GPHN: variants seen among roughly 807,000 people sequenced by gnomAD.
The protein encoded by GPHN is gephyrin.
In GPHN, 17 loss-of-function variants were observed where a neutral mutation model predicts 95.5. The observed-to-expected ratio is 0.18, with a 90% CI of 0.12 to 0.27. The LOEUF is 0.27. Among genes scored for constraint, GPHN ranks in the 10% least tolerant of loss-of-function variants. GPHN has a pLI of 1.00. For synonymous variants in GPHN, 320 were observed against 322.5 expected (o/e 0.99, Z 0.08); for missense variants, 660 against 978.1 (o/e 0.67, Z 4.34).
the GPHN span, among the ~76,000 whole-genome samples, chr14:67,621,157 T>G: frequency 6.6e-6 from 1 of 151,792 alleles, no homozygotes; most frequent in Non-Finnish European, 1.5e-5. Flanking sequence ...CAATAAAGAG[T>G]GTGTTGGAAG....
At chr14:66,957,753 G>A (rs2068627390) in intron 8 of GPHN, among the ~76,000 whole-genome samples, 1 of 152,120 alleles carries the variant, frequency 6.6e-6, no homozygotes, top group African/African-American at 2.4e-5. Flanking sequence ...CCAGGCCAAG[G>A]ACTGATACCA....
chr14:67,651,329 A>G, the GPHN span: 1 of 1,611,216 alleles, frequency 6.2e-7, no homozygotes, highest in Non-Finnish European at 8.5e-7. Context: ...CACATCCCTA[A>G]CATCATGCAT....
At chr14:67,312,596 C>A in the GPHN span, 1 of 1,613,630 alleles carries the variant, frequency 6.2e-7, no homozygotes, top group Non-Finnish European at 8.5e-7. Flanking sequence ...AGAGTTAGGT[C>A]TGTCTTTTCA....
the GPHN span, among the ~76,000 whole-genome samples, chr14:67,347,692 G>T: frequency 6.6e-6 from 1 of 151,850 alleles, no homozygotes; most frequent in Admixed American, 6.6e-5. Flanking sequence ...TAGACACGGG[G>T]TTTCTCCATG....
chr14:67,678,322 T>TA, the GPHN span: 4 of 1,602,806 alleles, frequency 2.5e-6, no homozygotes, highest in Admixed American at 1.7e-5. Context: ...CACTGCCTGT[T>TA]AGTCTATTGG....
chr14:67,676,440 A>C, the GPHN span, among the ~76,000 whole-genome samples: 36 of 152,184 alleles, frequency 2.4e-4, no homozygotes, highest in African/African-American at 7.9e-4. Flanking sequence ...AAAAAGGATC[A>C]ATAGCCTGGG....
At chr14:66,520,490 T>C (rs2058432683) in intron 1 of GPHN, among the ~76,000 whole-genome samples, 1 of 152,068 alleles carries the variant, frequency 6.6e-6, no homozygotes, top group Non-Finnish European at 1.5e-5. Flanking sequence ...GAGGAGGAGC[T>C]GACTTAAGGG....
intron 9 of GPHN, among the ~76,000 whole-genome samples, chr14:66,997,366 TAAAAAAAA>T (rs34315684): frequency 8.1e-6 from 1 of 123,984 alleles, no homozygotes; most frequent in African/African-American, 2.9e-5. Flanking sequence ...GACTTCGTCT[TAAAAAAAA>T]AAAAAAAAAA....
the GPHN span, among the ~76,000 whole-genome samples, chr14:67,549,049 A>G: frequency 6.6e-6 from 1 of 152,204 alleles, no homozygotes; most frequent in Non-Finnish European, 1.5e-5. Context: ...GCCCAGAAAA[A>G]CATATCCTAA....
chr14:66,940,327 A>T (rs1423836391), intron 8 of GPHN, among the ~76,000 whole-genome samples: 2 of 152,046 alleles, frequency 1.3e-5, no homozygotes, highest in Non-Finnish European at 1.5e-5. Context: ...AAGATTAATG[A>T]CTACTCATGT....
chr14:66,847,518 T>G (rs752974564), intron 4 of GPHN, among the ~76,000 whole-genome samples: 1 of 152,106 alleles, frequency 6.6e-6, no homozygotes, highest in African/African-American at 2.4e-5. Flanking sequence ...GTGTGAAAGT[T>G]AATCTGAGAA....
the GPHN span, among the ~76,000 whole-genome samples, chr14:67,409,538 T>C: frequency 6.6e-6 from 1 of 152,186 alleles, no homozygotes; most frequent in Non-Finnish European, 1.5e-5. Context: ...CCGGCAGTGC[T>C]TCTGTCTCTT....
the GPHN span, among the ~76,000 whole-genome samples, chr14:67,310,927 A>T: frequency 6.6e-6 from 1 of 152,184 alleles, no homozygotes; most frequent in Non-Finnish European, 1.5e-5. Flanking sequence ...CAGTGTCTCA[A>T]GTGCTTAAAG....
intron 17 of GPHN, 134 bp from the exon 18 acceptor site, chr14:67,143,227 TC>T (rs1423955159): frequency 2.8e-6 from 2 of 712,748 alleles, no homozygotes; most frequent in Admixed American, 3.8e-5. Context: ...CCCTTTTGAT[TC>T]CCACTTCATA....
At chr14:67,699,609 A>G in the GPHN span, among the ~76,000 whole-genome samples, 38 of 150,152 alleles carry the variant, frequency 2.5e-4, no homozygotes, top group African/African-American at 8.0e-4. Flanking sequence ...AAAAAAAAAA[A>G]AAAGAAACAG....
chr14:67,281,023 C>A, the GPHN span, among the ~76,000 whole-genome samples: 23 of 151,776 alleles, frequency 1.5e-4, no homozygotes, highest in African/African-American at 5.1e-4. Context: ...CTTAGCCTCC[C>A]GAGTGGCTGG....
intron 19 of GPHN, among the ~76,000 whole-genome samples, chr14:67,163,269 G>A (rs777891129): frequency 1.3e-5 from 2 of 152,086 alleles, no homozygotes; most frequent in Non-Finnish European, 2.9e-5. Context: ...TTGAGCCACT[G>A]CACTCCAGCA....
Position 66,965,320 on chromosome 14 carries a change from C to T in GPHN, c.958C>T (p.Pro320Ser). ...CCTCTCTACAGCTTCCTGCCCAACA[C>T]CAAAAGTAAGTATGGTTCCTTCGCA... ...SRLSTASCPT[P>S]KVQSRCSSKE... The change falls in exon 9 of 23, where the codon CCA becomes TCA. Residue 320 changes from proline to serine, a missense_variant. Coordinates refer to ENST00000478722, the MANE Select transcript of GPHN (RefSeq NM_020806.5). 6.2e-7 allele frequency: 1 copy of T among 1,613,638 alleles called. No individual in the cohort carries two copies. The highest frequency in any genetic ancestry group is 8.5e-7 in the Non-Finnish European group (1 of 1,179,648).
the GPHN span, among the ~76,000 whole-genome samples, chr14:67,669,883 T>C: frequency 2.0e-5 from 3 of 152,180 alleles, no homozygotes; most frequent in African/African-American, 7.2e-5. Flanking sequence ...GTGGATCACT[T>C]AAGCCCAGGA....
Sources: gnomAD v4.1 joint callset for allele counts (sites outside exome capture counted in the v4.1 genomes callset) on GRCh38, gnomAD v4.1.1 for gene constraint, MANE v1.5 for transcripts, NCBI Gene and HGNC (gene_info 2026-07-23, HGNC 2026-07-21) for gene names.